RAB11FIP4: variants seen among roughly 807,000 people sequenced by gnomAD.
The protein encoded by RAB11FIP4 is rab11 family-interacting protein 4.
In RAB11FIP4, 23 loss-of-function variants were observed where a neutral mutation model predicts 74.3. The observed-to-expected ratio is 0.31, with a 90% CI of 0.22 to 0.44. The LOEUF (loss-of-function observed/expected upper bound fraction) is 0.44. RAB11FIP4 is among the 20% of genes least tolerant of loss of function. The pLI is 1.00. For synonymous variants in RAB11FIP4, 360 were observed against 359.9 expected, an observed-to-expected ratio of 1.00 and a Z score of 0.00; for missense variants, 630 against 863.9, an observed-to-expected ratio of 0.73 and a Z score of 3.39.
chr17:31,504,019 T>G (rs2072270020), intron 3 of RAB11FIP4, among the ~76,000 whole-genome samples: 1 of 149,760 alleles, frequency 6.7e-6, no homozygotes. Context: ...CATCCCATCC[T>G]AGTTAAAATA....
At chr17:31,398,273 T>C (rs569879925) in intron 1 of RAB11FIP4, among the ~76,000 whole-genome samples, 4 of 152,304 alleles carry the variant, frequency 2.6e-5, no homozygotes, top group African/African-American at 4.8e-5. Context: ...ACTCCTGACC[T>C]CTGGTGATCC....
intron 13 of RAB11FIP4, 82 bp downstream of exon 13, chr17:31,528,860 G>C: frequency 1.4e-6 from 2 of 1,467,816 alleles, no homozygotes; most frequent in South Asian, 2.5e-5. Flanking sequence ...TCTGTGGTAG[G>C]GGAGCCCAGA....
intron 2 of RAB11FIP4, among the ~76,000 whole-genome samples, chr17:31,432,389 T>G (rs2071319305): frequency 1.3e-5 from 2 of 151,190 alleles, no homozygotes; most frequent in African/African-American, 4.9e-5. Flanking sequence ...AGGGTCTGGC[T>G]TTGTCGCCCA....
chr17:31,470,575 C>T (rs888000319), intron 3 of RAB11FIP4, among the ~76,000 whole-genome samples: 5 of 152,326 alleles, frequency 3.3e-5, no homozygotes, highest in South Asian at 2.1e-4. Flanking sequence ...ACATGGCTCT[C>T]ATGATCCAAT....
At position 31,459,997 on chromosome 17, in the gene RAB11FIP4, G is replaced by A. The variant is rs147807329; in HGVS notation, c.336+25875G>A. On this transcript the variant is annotated intron_variant, in intron 3 of 14. Transcript: ENST00000621161. Reference sequence around the variant, plus strand: ...TCCTGCCTGCCTTGCGGTCACTCCCGGCCCTCTCAGGTGCCTCTTGAGGAA... The same window carrying A: ...TCCTGCCTGCCTTGCGGTCACTCCCAGCCCTCTCAGGTGCCTCTTGAGGAA... Among the ~76,000 whole-genome samples, 356 of 152,254 alleles carry A rather than the reference G, an allele frequency of 2.3e-3. 2 individuals carry two copies. The highest frequency in any genetic ancestry group is 0.01 in the Middle Eastern group (3 of 294).
intron 3 of RAB11FIP4, among the ~76,000 whole-genome samples, chr17:31,501,325 TAAAAAAAAA>T (rs373057437): frequency 7.0e-6 from 1 of 141,900 alleles, no homozygotes; most frequent in Admixed American, 7.1e-5. Flanking sequence ...TATCATAAGT[TAAAAAAAAA>T]AAAAGAAAAA....
At position 31,431,907 on chromosome 17, in the gene RAB11FIP4, T is replaced by C. The variant is rs925883491; in HGVS notation, c.247+7T>C. The C allele has an allele frequency of 6.2e-7, 1 of 1,606,382 alleles. No individual in the cohort carries two copies. The highest frequency in any genetic ancestry group is 1.3e-5 in the African/African-American group (1 of 74,686). On this transcript the variant is annotated splice_region_variant and intron_variant, in intron 2 of 14. Coordinates refer to ENST00000621161, the MANE Select transcript of RAB11FIP4 (RefSeq NM_032932.6). ...GGGGTGTTCGCCATGAAAGGTGAGG[T>C]CTTCCCGGGAGGCTTTCCCAGGCGC...
rs1456734918 is a variant in RAB11FIP4, at chr17:31,524,002, G to A, written c.1133+6G>A. 1 of 1,602,488 alleles carries A rather than the reference G, an allele frequency of 6.2e-7. No individual in the cohort carries two copies. On this transcript the variant is annotated splice_donor_region_variant and intron_variant, in intron 9 of 14. Coordinates refer to ENST00000621161, the MANE Select transcript of RAB11FIP4 (RefSeq NM_032932.6). Reference sequence around the variant, plus strand: ...AACACACAGCTGGTGCACAGGTCAAGCAGGCAGCGGCGCTGGGGGCTCGGC... The same window carrying A: ...AACACACAGCTGGTGCACAGGTCAAACAGGCAGCGGCGCTGGGGGCTCGGC...
chr17:31,514,806 T>C (rs2072516675), intron 3 of RAB11FIP4, among the ~76,000 whole-genome samples: 1 of 152,244 alleles, frequency 6.6e-6, no homozygotes, highest in African/African-American at 2.4e-5. Context: ...TGCAGTGTCC[T>C]GTGAGGGCGT....
chr17:31,487,370 G>T (rs1008897911), intron 3 of RAB11FIP4, among the ~76,000 whole-genome samples: 2 of 152,000 alleles, frequency 1.3e-5, no homozygotes, highest in Non-Finnish European at 2.9e-5. Flanking sequence ...CCTCCGCCTC[G>T]GCCACTTTGT....
Position 31,521,314 on chromosome 17 carries a change from A to G in RAB11FIP4, c.712A>G (p.Thr238Ala), listed in dbSNP as rs769341276. 2.5e-6 allele frequency: 4 copies of G among 1,613,666 alleles called. No individual in the cohort carries two copies. Among genetic ancestry groups the G allele is most frequent in the African/African-American group, 2.7e-5 (2 of 74,866 alleles). ...APSSPCPDDETRTNVYSDLGS... is the reference protein window; with the variant it reads ...APSSPCPDDEARTNVYSDLGS... Reference sequence around the variant, plus strand: ...CAGCAGCCCTTGCCCCGATGATGAGACCAGGACCAACGTCTACTCGGACCT... The same window carrying G: ...CAGCAGCCCTTGCCCCGATGATGAGGCCAGGACCAACGTCTACTCGGACCT... The change falls in exon 5 of 15, where the codon ACC becomes GCC. Residue 238 changes from threonine to alanine, a missense_variant. Thr to Ala is a moderately conservative substitution (Grantham distance 58). Transcript: ENST00000621161.
intron 1 of RAB11FIP4, among the ~76,000 whole-genome samples, chr17:31,420,618 CA>C (rs1159147335): frequency 4.1e-5 from 6 of 146,334 alleles, no homozygotes; most frequent in East Asian, 2.0e-4. Flanking sequence ...TTAATCTTTT[CA>C]AAAAAAAAAC....
intron 3 of RAB11FIP4, among the ~76,000 whole-genome samples, chr17:31,442,740 ACC>A (rs2071417635): frequency 6.6e-6 from 1 of 152,094 alleles, no homozygotes; most frequent in Non-Finnish European, 1.5e-5. Flanking sequence ...CAGGTGGATC[ACC>A]TGAGGTCAGG....
intron 3 of RAB11FIP4, among the ~76,000 whole-genome samples, chr17:31,492,167 T>C (rs947130180): frequency 1.3e-5 from 2 of 152,136 alleles, no homozygotes; most frequent in African/African-American, 4.8e-5. Flanking sequence ...TCTCCTCATC[T>C]CTTGTCTGAT....
intron 3 of RAB11FIP4, among the ~76,000 whole-genome samples, chr17:31,494,676 T>A (rs535857362): frequency 6.6e-6 from 1 of 152,126 alleles, no homozygotes; most frequent in Non-Finnish European, 1.5e-5. Context: ...GAGGTGTTAC[T>A]ATGTTACCCA....
chr17:31,431,427 A>G (rs150378811), intron 1 of RAB11FIP4: 143 of 196,820 alleles, frequency 7.3e-4, no homozygotes, highest in Non-Finnish European at 1.2e-3. Flanking sequence ...AAGAAATAGA[A>G]CAAGAGAAAT....
At chr17:31,510,845 C>G (rs2059154674) in intron 3 of RAB11FIP4, among the ~76,000 whole-genome samples, 1 of 152,122 alleles carries the variant, frequency 6.6e-6, no homozygotes, top group South Asian at 2.1e-4. Flanking sequence ...TGTTTTCCTT[C>G]AACACAATGA....
At chr17:31,484,384 TTA>T (rs2071881266) in intron 3 of RAB11FIP4, among the ~76,000 whole-genome samples, 2 of 138,044 alleles carry the variant, frequency 1.4e-5, no homozygotes, top group African/African-American at 2.9e-5. Context: ...CATTGTCTCT[TTA>T]AAAAAAAAAA....
intron 3 of RAB11FIP4, among the ~76,000 whole-genome samples, chr17:31,496,289 T>C (rs1178984067): frequency 6.6e-6 from 1 of 152,234 alleles, no homozygotes; most frequent in East Asian, 1.9e-4. Flanking sequence ...GCGACCTCTC[T>C]GAGCCTCGGG....
Sources: allele counts gnomAD v4.1 joint callset (sites outside exome capture counted in the v4.1 genomes callset), GRCh38; gene constraint gnomAD v4.1.1; transcripts MANE v1.5; gene names NCBI Gene and HGNC (gene_info 2026-07-23, HGNC 2026-07-21).